PLXNA4: variants seen among roughly 807,000 people sequenced by gnomAD.
PLXNA4 encodes plexin-A4.
A neutral mutation model predicts 191.8 loss-of-function variants in PLXNA4; 44 were observed. The observed-to-expected ratio is 0.23, with a 90% CI of 0.18 to 0.29. The LOEUF (loss-of-function observed/expected upper bound fraction) is 0.29, where lower values mean the gene tolerates loss of function less well. PLXNA4 is among the 10% of genes least tolerant of loss of function. The pLI is 1.00. For synonymous variants in PLXNA4, 1,082 were observed against 1,009.5 expected, an observed-to-expected ratio of 1.07 and a Z score of -1.36; for missense variants, 1,800 against 2,488.8, an observed-to-expected ratio of 0.72 and a Z score of 5.89.
rs745614493 is a variant in PLXNA4, at chr7:132,508,100, G to A, written c.594C>T (p.Thr198=). 5.0e-6 allele frequency: 8 copies of A among 1,614,082 alleles called. No homozygotes were observed. The highest frequency in any genetic ancestry group is 6.8e-6 in the Non-Finnish European group (8 of 1,180,044). ...AVDGKPEYFP[T]ISSRKLTKNS... Reference sequence around the variant, plus strand: ...TCTTGGTCAGTTTCCGGCTGGAGATGGTGGGAAAATACTCGGGCTTCCCAT... The same window carrying A: ...TCTTGGTCAGTTTCCGGCTGGAGATAGTGGGAAAATACTCGGGCTTCCCAT... Residue 198 remains threonine (T), a synonymous_variant, in exon 2 of 32, where the codon ACC becomes ACT. Transcript: ENST00000321063. The surrounding 1 kb of genome is among the most constrained non-coding windows in gnomAD (Gnocchi z 4.4).
In PLXNA4 at chr7:132,241,300, G is replaced by C. The variant is rs1161647327; in HGVS notation, c.1504-134C>G. 7 of 603,288 alleles carry C rather than the reference G, an allele frequency of 1.2e-5. No homozygotes were observed. The Admixed American group carries it at 2.0e-4, about 18-fold the overall frequency. 37.4% of individuals were successfully genotyped at this position (603,288 alleles called of 1,614,324 possible). A position where few individuals can be genotyped will look rare whatever the true frequency, so the allele number is the denominator to read the frequency against. On this transcript the variant is annotated intron_variant, in intron 4 of 31. Coordinates refer to ENST00000321063, the MANE Select transcript of PLXNA4 (RefSeq NM_020911.2). ...GGAGCATGAAGGTGCTTGGAGCCCA[G>C]TGTGGGAAGGGAACTTGAGTGATTA...
intron 2 of PLXNA4, among the ~76,000 whole-genome samples, chr7:132,615,216 G>A (rs184572222): frequency 4.8e-4 from 73 of 152,262 alleles, no homozygotes; most frequent in African/African-American, 1.6e-3. Context: ...GGAGCGGGAG[G>A]GGGGTTCGGG....
At chr7:132,143,494 G>C (rs1422536842) in intron 29 of PLXNA4, among the ~76,000 whole-genome samples, 1 of 152,212 alleles carries the variant, frequency 6.6e-6, no homozygotes, top group East Asian at 1.9e-4. Context: ...GAAATGTTTA[G>C]AAAGACCCAA....
chr7:132,145,338 G>T, intron 28 of PLXNA4, 50 bp from the exon 29 acceptor site: 1 of 1,607,050 alleles, frequency 6.2e-7, no homozygotes, highest in South Asian at 1.1e-5. Context: ...GTAGTTCTGA[G>T]GATGGCTTTT....
At chr7:132,643,661 A>C (rs1289256971) in intron 2 of PLXNA4, among the ~76,000 whole-genome samples, 1 of 152,226 alleles carries the variant, frequency 6.6e-6, no homozygotes, top group Non-Finnish European at 1.5e-5. Flanking sequence ...TTTTTTAAAA[A>C]GAATGAGGGC....
rs1187384908 is a variant in PLXNA4 at position 132,563,329 on chromosome 7, CCTCCTCCTT to C, written c.-87+13084_-87+13092del. Among the ~76,000 whole-genome samples, 388 of 118,876 alleles carry C rather than the reference CCTCCTCCTT, an allele frequency of 3.3e-3. 5 individuals carry two copies. The highest frequency in any genetic ancestry group is 0.013 in the African/African-American group (373 of 28,978). The allele number at this position is 118,876 out of a possible 152,430, so 78.0% of individuals were successfully genotyped here. A position where few individuals can be genotyped will look rare whatever the true frequency, so the allele number is the denominator to read the frequency against. ...TCCTCCTTCTCTTCCTCCTTCTCCT[CCTCCTCCTT>C]CTCCTCCTCTTTCTCCTCCTTCTCC... On this transcript the variant is annotated intron_variant, in intron 1 of 31. Transcript: ENST00000321063.
rs567293812 is a variant in PLXNA4, at chr7:132,253,308, TC to T, written c.1504-12143del. Among the ~76,000 whole-genome samples the T allele has an allele frequency of 1.0e-3, 155 of 150,542 alleles. 1 individual carries two copies. Among genetic ancestry groups the T allele is most frequent in the African/African-American group, 3.7e-3 (150 of 41,022 alleles). The stretch of plus-strand genomic sequence containing the variant: ...TGGAGTGCAGTGGCGCGATCTCAGC[TC>T]ACTGCAACTTCTGCCTCCTAAGTTC... On this transcript the variant is annotated intron_variant, in intron 4 of 31. Coordinates refer to ENST00000321063, the MANE Select transcript of PLXNA4 (RefSeq NM_020911.2).
chr7:132,413,313 G>T (rs1220620076), intron 3 of PLXNA4, among the ~76,000 whole-genome samples: 2 of 152,156 alleles, frequency 1.3e-5, no homozygotes, highest in South Asian at 2.1e-4. Context: ...CCAGGGGTTT[G>T]CTTCACTGGC....
chr7:132,502,753 A>G (rs1798306921), intron 2 of PLXNA4, among the ~76,000 whole-genome samples: 1 of 152,170 alleles, frequency 6.6e-6, no homozygotes, highest in Non-Finnish European at 1.5e-5. Flanking sequence ...CCTCAACTGC[A>G]GAGGATGCCT....
chr7:132,344,428 C>T (rs933880968), intron 3 of PLXNA4, among the ~76,000 whole-genome samples: 1 of 152,138 alleles, frequency 6.6e-6, no homozygotes, highest in Admixed American at 6.5e-5. Flanking sequence ...GGGACCAGTG[C>T]AATGGAGGGC....
chr7:132,283,523 A>C (rs1800565146), intron 4 of PLXNA4, among the ~76,000 whole-genome samples: 1 of 152,216 alleles, frequency 6.6e-6, no homozygotes, highest in Non-Finnish European at 1.5e-5. Context: ...TAACCCTGAG[A>C]ATCTGATTGA....
intron 3 of PLXNA4, among the ~76,000 whole-genome samples, chr7:132,365,382 G>A (rs1236718296): frequency 1.0e-5 from 1 of 97,274 alleles, no homozygotes; most frequent in African/African-American, 5.7e-5. Context: ...CATGCATGGG[G>A]CAAGAGTGTG....
At chr7:132,323,245 CAACA>C (rs1490536164) in intron 3 of PLXNA4, among the ~76,000 whole-genome samples, 1 of 152,182 alleles carries the variant, frequency 6.6e-6, no homozygotes, top group African/African-American at 2.4e-5. Context: ...TCATGAAACT[CAACA>C]GACAGATGCC....
chr7:132,244,863 A>G (rs1432176371), intron 4 of PLXNA4, among the ~76,000 whole-genome samples: 3 of 152,244 alleles, frequency 2.0e-5, no homozygotes, highest in Non-Finnish European at 4.4e-5. Context: ...TTAGCTTAGT[A>G]TAAATGTATT....
chr7:132,445,157 GAAAAAAAAAAAAAAA>G (rs71529762), intron 3 of PLXNA4, among the ~76,000 whole-genome samples: 6 of 53,792 alleles, frequency 1.1e-4, no homozygotes, highest in East Asian at 7.4e-4. Context: ...TCCATCTCAG[GAAAAAAAAAAAAAAA>G]AAAAAAAAAA....
chr7:132,274,136 C>A (rs1800182329), intron 4 of PLXNA4, among the ~76,000 whole-genome samples: 1 of 151,846 alleles, frequency 6.6e-6, no homozygotes, highest in African/African-American at 2.4e-5. Context: ...AATATGGTGA[C>A]AGAATACAGG....
chr7:132,287,082 C>T (rs190750676), intron 4 of PLXNA4, among the ~76,000 whole-genome samples: 66 of 152,130 alleles, frequency 4.3e-4, no homozygotes, highest in Admixed American at 3.5e-3. Context: ...TCACCTAAGC[C>T]GGGGTGAAGT....
At chr7:132,414,495 CAG>C (rs1338119181) in intron 3 of PLXNA4, among the ~76,000 whole-genome samples, 2 of 152,060 alleles carry the variant, frequency 1.3e-5, no homozygotes, top group Admixed American at 6.5e-5. Flanking sequence ...ACTGGGGTGG[CAG>C]AGAGGTGACC....
chr7:132,244,986 C>A (rs1164367307), intron 4 of PLXNA4, among the ~76,000 whole-genome samples: 1 of 152,148 alleles, frequency 6.6e-6, no homozygotes, highest in African/African-American at 2.4e-5. Flanking sequence ...CCTAGACTTG[C>A]CACTCACAGC....
Sources: gnomAD v4.1 joint callset for allele counts (sites outside exome capture counted in the v4.1 genomes callset) on GRCh38, gnomAD v4.1.1 for gene constraint, Gnocchi (gnomAD v3.1) non-coding constraint, MANE v1.5 for transcripts, NCBI Gene and HGNC (gene_info 2026-07-23, HGNC 2026-07-21) for gene names.